The following MGAT4D variants were observed in gnomAD, a reference collection of about 807,000 sequenced individuals.
MGAT4D encodes the protein MGAT4 family member D.
Under a neutral mutation model 15.9 loss-of-function variants are expected in MGAT4D, and 34 were observed. That is an observed-to-expected ratio of 2.14 (90% CI 1.62 to 2.84). The LOEUF (loss-of-function observed/expected upper bound fraction) is 2.84. MGAT4D is among the 30% of genes most tolerant of loss of function. The probability of loss-of-function intolerance (pLI) is 0.00; values close to 1 mark genes in which losing one functional copy is unlikely to be tolerated. For missense variants in MGAT4D, 327 were observed against 140.2 expected, an observed-to-expected ratio of 2.33 and a Z score of -6.73; for synonymous variants, 112 against 48.2, an observed-to-expected ratio of 2.33 and a Z score of -5.49.
chr4:140,458,903 C>T (rs1159852330), intron 8 of MGAT4D: 1 of 151,456 alleles, frequency 6.6e-6, no homozygotes, highest in Non-Finnish European at 1.5e-5. Flanking sequence ...TGTCATGCAC[C>T]ATAATATAAG....
intron 1 of MGAT4D, among the ~76,000 whole-genome samples, chr4:140,485,442 C>A (rs1733045796): frequency 6.6e-6 from 1 of 151,744 alleles, no homozygotes; most frequent in South Asian, 2.1e-4. Context: ...AGGAGATATA[C>A]CTAATGCTAA....
At chr4:140,493,812 T>C (rs1313835021) in intron 1 of MGAT4D, among the ~76,000 whole-genome samples, 1 of 152,174 alleles carries the variant, frequency 6.6e-6, no homozygotes, top group Admixed American at 6.5e-5. Context: ...ATTTTGCCAA[T>C]GGGAGGCAGT....
intron 1 of MGAT4D, among the ~76,000 whole-genome samples, chr4:140,494,219 G>A (rs532728133): frequency 4.6e-5 from 7 of 152,290 alleles, no homozygotes; most frequent in Non-Finnish European, 7.4e-5. Context: ...CAGGTGACCC[G>A]GATGAAGTAC....
chr4:140,461,801 G>A, intron 7 of MGAT4D, 128 bp downstream of exon 7: 1 of 431,544 alleles, frequency 2.3e-6, no homozygotes. Context: ...ATACAATGAG[G>A]AAGAAGAAAT....
chr4:140,471,689 A>G (rs1268840238), intron 5 of MGAT4D, 86 bp downstream of exon 5: 1 of 317,250 alleles, frequency 3.2e-6, no homozygotes, highest in East Asian at 5.6e-5. Flanking sequence ...ATGATCACTA[A>G]GAAAATAATT....
chr4:140,456,659 T>G lies in MGAT4D; in HGVS notation c.938A>C (p.Lys313Thr). The change falls in exon 9 of 11, where the codon AAA (lysine) becomes ACA (threonine). Residue 313 changes from lysine (K) to threonine (T), a missense_variant. Coordinates refer to ENST00000511113, the MANE Select transcript of MGAT4D (RefSeq NM_001277353.2). ...CAAGAGCCAGTCTATGGGTTTCTCT[T>G]TGTAGAACATTAAAAAAAACCGTAC... is the stretch of plus-strand genomic sequence containing the variant. ...HFVRFFLMFYKEKPIDWLLND... is the reference protein window; with the variant it reads ...HFVRFFLMFYTEKPIDWLLND... 1.4e-6 allele frequency: 1 copy of G among 699,040 alleles called. No individual in the cohort carries two copies. The allele number at this position is 699,040 out of a possible 1,614,324, so 43.3% of individuals were successfully genotyped here.
At chr4:140,454,204 T>G (rs1730649885) in intron 9 of MGAT4D, among the ~76,000 whole-genome samples, 1 of 152,138 alleles carries the variant, frequency 6.6e-6, no homozygotes, top group Non-Finnish European at 1.5e-5. Context: ...AGAGAAAGCA[T>G]CCAGTTTTCA....
chr4:140,463,737 G>A (rs1299314580), intron 6 of MGAT4D, among the ~76,000 whole-genome samples: 2 of 152,216 alleles, frequency 1.3e-5, no homozygotes, highest in African/African-American at 4.8e-5. Context: ...TGTGGAAAGG[G>A]TGGAAGAGCA....
chr4:140,472,328 G>T lies in MGAT4D; in HGVS notation c.526-507C>A, dbSNP rs187343327. ...AAACTTTGTGGACCTGCTCTTCATT[G>T]AACAGTGCGCTAGATTAGATGACAG... On this transcript the variant is annotated intron_variant, in intron 4 of 10. Coordinates refer to ENST00000511113, the MANE Select transcript of MGAT4D (RefSeq NM_001277353.2). Among the ~76,000 whole-genome samples, 13 of 152,052 alleles carry T rather than the reference G, an allele frequency of 8.5e-5. No individual in the cohort carries two copies. The East Asian group carries it at 1.5e-3, about 18-fold the overall frequency.
chr4:140,460,864 A>T (rs1438124677), intron 7 of MGAT4D, among the ~76,000 whole-genome samples: 3 of 152,166 alleles, frequency 2.0e-5, no homozygotes, highest in Non-Finnish European at 4.4e-5. Context: ...AGATGCAAAC[A>T]TTCAGACCAT....
chr4:140,497,749 A>G (rs1017210822), intron 1 of MGAT4D, among the ~76,000 whole-genome samples: 4 of 152,228 alleles, frequency 2.6e-5, no homozygotes, highest in Non-Finnish European at 5.9e-5. Flanking sequence ...CTGGCTGTGT[A>G]AGAGCAGTTC....
intron 9 of MGAT4D, among the ~76,000 whole-genome samples, chr4:140,453,288 A>G (rs1730587176): frequency 6.6e-6 from 1 of 152,060 alleles, no homozygotes; most frequent in African/African-American, 2.4e-5. Flanking sequence ...ATATCTACCA[A>G]AAAATTCCTG....
At chr4:140,475,115 T>A (rs1328046966) in intron 3 of MGAT4D, among the ~76,000 whole-genome samples, 169 bp from the exon 4 acceptor site, 1 of 152,218 alleles carries the variant, frequency 6.6e-6, no homozygotes, top group African/African-American at 2.4e-5. Flanking sequence ...TATCACATAT[T>A]TCATTTTCTT....
chr4:140,496,597 C>A (rs1733852408), intron 1 of MGAT4D, among the ~76,000 whole-genome samples: 1 of 152,110 alleles, frequency 6.6e-6, no homozygotes, highest in Non-Finnish European at 1.5e-5. Flanking sequence ...AATCCCAGCA[C>A]TTTGGGAGGC....
chr4:140,466,671 G>A (rs73856617), intron 5 of MGAT4D, among the ~76,000 whole-genome samples: 194 of 152,112 alleles, frequency 1.3e-3, no homozygotes, highest in African/African-American at 4.4e-3. Context: ...TTTAACATAC[G>A]TTTAAAGGTC....
chr4:140,468,390 ATC>A (rs1440433238), intron 5 of MGAT4D, among the ~76,000 whole-genome samples: 4 of 152,172 alleles, frequency 2.6e-5, no homozygotes, highest in African/African-American at 9.7e-5. Context: ...TTTATTGGAG[ATC>A]TTTACAAGTA....
rs186973692 is a variant in MGAT4D at position 140,470,420 on chromosome 4, A to G, written c.572+1355T>C. On this transcript the variant is annotated intron_variant, in intron 5 of 10. Transcript: ENST00000511113. ...GCTATTTGGTGAGGAAAAATAAAACAAAGCAAAACACTTTACTGGCTAAAC... is the reference window on the plus strand; with the variant it reads ...GCTATTTGGTGAGGAAAAATAAAACGAAGCAAAACACTTTACTGGCTAAAC... 5.9e-5 allele frequency among the ~76,000 whole-genome samples: 9 copies of G among 152,364 alleles called. No individual in the cohort carries two copies. The East Asian group carries it at 1.7e-3, about 29-fold the overall frequency.
chr4:140,452,244 A>ATTTTATATAT (rs1310239409), intron 9 of MGAT4D, among the ~76,000 whole-genome samples: 1 of 152,050 alleles, frequency 6.6e-6, no homozygotes, highest in Non-Finnish European at 1.5e-5. Flanking sequence ...ACTGAGAATT[A>ATTTTATATAT]TTTTATATAT....
chr4:140,458,076 T>C (rs1730925014), intron 8 of MGAT4D: 1 of 152,218 alleles, frequency 6.6e-6, no homozygotes, highest in South Asian at 2.1e-4. Flanking sequence ...TTTTACGCAC[T>C]GCTTATGAGA....
Sources: allele counts gnomAD v4.1 joint callset (sites outside exome capture counted in the v4.1 genomes callset), GRCh38; gene constraint gnomAD v4.1.1; transcripts MANE v1.5; gene names NCBI Gene and HGNC (gene_info 2026-07-23, HGNC 2026-07-21).